CTNNA2: variants seen among roughly 807,000 people sequenced by gnomAD.
CTNNA2 encodes the protein catenin alpha 2.
A neutral mutation model predicts 101.0 loss-of-function variants in CTNNA2; 42 were observed. The observed-to-expected ratio is 0.42, with a 90% CI of 0.32 to 0.54. The LOEUF is 0.54. CTNNA2 is among the 20% of genes least tolerant of loss of function. CTNNA2 has a pLI of 0.14. For synonymous variants in CTNNA2, 450 were observed against 456.4 expected (o/e 0.99, Z 0.18); for missense variants, 871 against 1,223.1 (o/e 0.71, Z 4.29).
chr2:79,481,905 T>C lies in CTNNA2; in HGVS notation c.-134-23149T>C, dbSNP rs1403049541. Among the ~76,000 whole-genome samples the C allele has an allele frequency of 2.6e-5, 4 of 151,984 alleles. No individual in the cohort carries two copies. In the East Asian group the frequency reaches 7.7e-4, roughly 29 times the overall value. ...CCAAGGAGGAGAAGCAACTGAAGAG[T>C]AGGCTGGAGTTTGTTACATGGAAGA... On this transcript the variant is annotated intron_variant, in intron 4 of 21. Coordinates refer to the CTNNA2 transcript ENST00000466387.
At chr2:79,596,444 T>C (rs928232717) in intron 1 of CTNNA2, among the ~76,000 whole-genome samples, 1 of 152,070 alleles carries the variant, frequency 6.6e-6, no homozygotes, top group African/African-American at 2.4e-5. Flanking sequence ...ATATACCTTG[T>C]GTATAAGAGA....
rs747212277 is a variant in CTNNA2 at position 79,262,570 on chromosome 2, C to G, written c.-405-50139C>G. 3.9e-5 allele frequency among the ~76,000 whole-genome samples: 6 copies of G among 152,128 alleles called. No individual in the cohort carries two copies. The East Asian group carries it at 5.8e-4, about 15-fold the overall frequency. ...TTTCTGTGAAACTTAGAGATAATCT[C>G]TAATTCAGCGGCTCCCAAAGTATGT... On this transcript the variant is annotated intron_variant, in intron 2 of 21. Coordinates refer to the CTNNA2 transcript ENST00000466387.
At chr2:80,506,326 A>G (rs1361973282) in intron 9 of CTNNA2, among the ~76,000 whole-genome samples, 2 of 152,148 alleles carry the variant, frequency 1.3e-5, no homozygotes, top group Non-Finnish European at 2.9e-5. Context: ...TCGTGGGGAA[A>G]TAGGTTCCAC....
At chr2:79,389,731 C>A (rs191840747) in intron 4 of CTNNA2, among the ~76,000 whole-genome samples, 2 of 152,136 alleles carry the variant, frequency 1.3e-5, no homozygotes, top group African/African-American at 2.4e-5. Flanking sequence ...GAAAAAGTGG[C>A]ATAGATTAAA....
intron 7 of CTNNA2, among the ~76,000 whole-genome samples, chr2:80,139,764 C>T (rs746564903): frequency 2.0e-4 from 30 of 152,156 alleles, no homozygotes; most frequent in Non-Finnish European, 4.0e-4. Context: ...TGTAAATTTA[C>T]ATCCAATTTC....
intron 2 of CTNNA2, among the ~76,000 whole-genome samples, chr2:79,677,077 A>C (rs1479628751): frequency 6.6e-6 from 1 of 152,134 alleles, no homozygotes; most frequent in African/African-American, 2.4e-5. Flanking sequence ...CTACATCACC[A>C]CACCCAACTA....
Position 80,593,343 on chromosome 2 carries a change from G to T in CTNNA2, c.2189+3858G>T, listed in dbSNP as rs1024038650. 1.9e-3 allele frequency among the ~76,000 whole-genome samples: 264 copies of T among 138,892 alleles called. 3 individuals carry two copies. The highest frequency in any genetic ancestry group is 6.4e-3 in the African/African-American group (227 of 35,234). 91.1% of individuals were successfully genotyped at this position (138,892 alleles called of 152,430 possible). A position where few individuals can be genotyped will look rare whatever the true frequency, so the allele number is the denominator to read the frequency against. ...ATGGATGTGATTTTTTTTTTCTTTTGTTTTTTTGTTTGTTTGTTTGTTTTG... is the reference window on the plus strand; with the variant it reads ...ATGGATGTGATTTTTTTTTTCTTTTTTTTTTTTGTTTGTTTGTTTGTTTTG... On this transcript the variant is annotated intron_variant, in intron 15 of 18. Transcript: ENST00000402739.
At chr2:80,232,341 G>GTTTTTTTTTTTTTTTTTTTTTTTTT (rs1286822049) in intron 7 of CTNNA2, among the ~76,000 whole-genome samples, 8 of 82,052 alleles carry the variant, frequency 9.7e-5, no homozygotes, top group Non-Finnish European at 1.7e-4. Context: ...TTGTTTGTTT[G>GTTTTTTTTTTTTTTTTTTTTTTTTT]TTTGTTTTTT....
chr2:80,589,178 C>T (rs1305817216), intron 14 of CTNNA2, 126 bp from the exon 15 acceptor site: 7 of 934,016 alleles, frequency 7.5e-6, no homozygotes, highest in East Asian at 5.3e-5. Flanking sequence ...ACGTGCTTTC[C>T]GGAATGGCAG....
chr2:79,321,605 A>C (rs10496220), intron 3 of CTNNA2, among the ~76,000 whole-genome samples: 13,862 of 152,186 alleles, frequency 0.091, 669 homozygotes, highest in African/African-American at 0.12. Context: ...ATGATGTACC[A>C]TTTAATTTTG....
chr2:79,746,918 C>T (rs1671688449), intron 3 of CTNNA2, among the ~76,000 whole-genome samples: 1 of 152,116 alleles, frequency 6.6e-6, no homozygotes, highest in Non-Finnish European at 1.5e-5. Flanking sequence ...CATTGATTTT[C>T]AATGCTTAGT....
intron 9 of CTNNA2, among the ~76,000 whole-genome samples, chr2:80,497,842 T>C (rs1030536176): frequency 3.9e-5 from 6 of 152,134 alleles, no homozygotes; most frequent in African/African-American, 1.4e-4. Flanking sequence ...AGCTTCGTCC[T>C]ATAACTGCAA....
intron 2 of CTNNA2, among the ~76,000 whole-genome samples, chr2:79,289,845 A>T (rs1185255155): frequency 6.6e-6 from 1 of 152,212 alleles, no homozygotes; most frequent in African/African-American, 2.4e-5. Flanking sequence ...ATTACATCCA[A>T]TATAATACTT....
intron 3 of CTNNA2, among the ~76,000 whole-genome samples, chr2:79,368,671 G>C (rs1303079182): frequency 6.6e-6 from 1 of 152,112 alleles, no homozygotes; most frequent in East Asian, 1.9e-4. Context: ...AGAGTGGGAG[G>C]TGGCACACAC....
intron 11 of CTNNA2, among the ~76,000 whole-genome samples, chr2:80,547,518 C>G (rs1005164375): frequency 1.3e-5 from 2 of 152,018 alleles, no homozygotes; most frequent in Non-Finnish European, 2.9e-5. Flanking sequence ...TTTCAGCTTC[C>G]CTTTCCCACC....
At chr2:79,520,735 C>T (rs1672058792) in intron 1 of CTNNA2, among the ~76,000 whole-genome samples, 1 of 152,078 alleles carries the variant, frequency 6.6e-6, no homozygotes, top group South Asian at 2.1e-4. Context: ...CATGATAACT[C>T]TATAATTCAC....
upstream of CTNNA2, among the ~76,000 whole-genome samples, chr2:79,511,656 T>G (rs1671544908): frequency 6.6e-6 from 1 of 152,074 alleles, no homozygotes; most frequent in Admixed American, 6.6e-5. Flanking sequence ...GCCAAAAAGA[T>G]ATTGGGAGAG....
At chr2:79,722,614 C>G (rs1024553412) in intron 2 of CTNNA2, among the ~76,000 whole-genome samples, 2 of 152,140 alleles carry the variant, frequency 1.3e-5, no homozygotes, top group Admixed American at 1.3e-4. Flanking sequence ...TCTCACAGTA[C>G]ACTTTTTCCT....
At chr2:79,192,747 T>G (rs79622607) in intron 1 of CTNNA2, among the ~76,000 whole-genome samples, 2,566 of 152,230 alleles carry the variant, frequency 0.017, 95 homozygotes, top group East Asian at 0.1. Context: ...CCCCAAAGGC[T>G]TATTTCCCAT....
Sources: gnomAD v4.1 joint callset for allele counts (sites outside exome capture counted in the v4.1 genomes callset) on GRCh38, gnomAD v4.1.1 for gene constraint, MANE v1.5 for transcripts, NCBI Gene and HGNC (gene_info 2026-07-23, HGNC 2026-07-21) for gene names.